DAP: variants seen among roughly 807,000 people sequenced by gnomAD.
DAP encodes the protein death-associated protein 1.
In DAP, 8 loss-of-function variants were observed where a neutral mutation model predicts 13.8. The ratio of observed to expected loss-of-function variants is 0.58; its 90% CI spans 0.34 to 1.05. The LOEUF is 1.05. Ranked by LOEUF, DAP falls within the 50% of genes least tolerant of loss-of-function variation. The probability of loss-of-function intolerance (pLI) is 0.03; values close to 1 mark genes in which losing one functional copy is unlikely to be tolerated. For missense variants in DAP, 106 were observed against 133.2 expected (o/e 0.80, Z 1.01); for synonymous variants, 47 against 47.5 (o/e 0.99, Z 0.04).
chr5:10,743,522 CTTTTCTGGTT>C (rs1739815111), intron 2 of DAP, among the ~76,000 whole-genome samples: 1 of 152,158 alleles, frequency 6.6e-6, no homozygotes, highest in Admixed American at 6.5e-5. Flanking sequence ...CAAACCCGTT[CTTTTCTGGTT>C]TACCCCTCCT....
At chr5:10,693,389 C>T (rs140364135) in intron 2 of DAP, among the ~76,000 whole-genome samples, 135 of 152,292 alleles carry the variant, frequency 8.9e-4, no homozygotes, top group Non-Finnish European at 1.5e-3. Context: ...GGACACATGG[C>T]CTTTAATAAG....
chr5:10,708,101 A>G (rs1047206791), intron 2 of DAP, among the ~76,000 whole-genome samples: 3 of 152,234 alleles, frequency 2.0e-5, no homozygotes, highest in Non-Finnish European at 4.4e-5. Flanking sequence ...CTGTCAGAGC[A>G]GAGAAATAAC....
intron 2 of DAP, among the ~76,000 whole-genome samples, chr5:10,708,383 C>T (rs1405072560): frequency 6.6e-6 from 1 of 151,784 alleles, no homozygotes; most frequent in Non-Finnish European, 1.5e-5. Flanking sequence ...CACAGACATA[C>T]ATACACACAC....
chr5:10,747,305 G>A (rs921435920), intron 2 of DAP, among the ~76,000 whole-genome samples: 3 of 152,190 alleles, frequency 2.0e-5, no homozygotes, highest in African/African-American at 7.2e-5. Flanking sequence ...TTCCTTTCAA[G>A]GTCCCTGAAC....
At chr5:10,683,347 G>A in intron 3 of DAP, 182 bp downstream of exon 3, 1 of 721,810 alleles carries the variant, frequency 1.4e-6, no homozygotes, top group East Asian at 2.6e-5. Context: ...TGCGAGTCTG[G>A]CCTGCGGTCT....
At chr5:10,712,424 C>T (rs968730962) in intron 2 of DAP, among the ~76,000 whole-genome samples, 9 of 152,122 alleles carry the variant, frequency 5.9e-5, no homozygotes, top group Non-Finnish European at 1.2e-4. Context: ...TTGAAAAAGC[C>T]GCTTCAGTGG....
chr5:10,693,124 GCACACA>G (rs10596228), intron 2 of DAP, among the ~76,000 whole-genome samples: 46,356 of 148,870 alleles, frequency 0.31, 8,123 homozygotes, highest in African/African-American at 0.49. Context: ...ACATGCACAC[GCACACA>G]CACACACACA....
At chr5:10,722,980 T>C (rs1205318389) in intron 2 of DAP, among the ~76,000 whole-genome samples, 1 of 152,236 alleles carries the variant, frequency 6.6e-6, no homozygotes, top group Non-Finnish European at 1.5e-5. Flanking sequence ...CACGTCTTTA[T>C]GCTTCTGGCC....
Position 10,697,441 on chromosome 5 carries a change from C to T in DAP, c.153-13870G>A, listed in dbSNP as rs5745251. ...CCATCTTTGATTCTGAACACGTCCA[C>T]GCTTTAGAGTCACTCTTTGGAATTT... is the stretch of plus-strand genomic sequence containing the variant. On this transcript the variant is annotated intron_variant, in intron 2 of 3. Coordinates refer to ENST00000230895, the MANE Select transcript of DAP (RefSeq NM_004394.3). 7.5e-3 allele frequency among the ~76,000 whole-genome samples: 1,135 copies of T among 152,298 alleles called. 14 individuals carry two copies. The highest frequency in any genetic ancestry group is 0.026 in the African/African-American group (1,071 of 41,558).
chr5:10,691,681 C>G (rs933632911), intron 2 of DAP, among the ~76,000 whole-genome samples: 7 of 152,196 alleles, frequency 4.6e-5, no homozygotes, highest in African/African-American at 1.7e-4. Context: ...ACTATCAACC[C>G]TGCCCGCCCC....
At chr5:10,694,250 T>C (rs1738379182) in intron 2 of DAP, among the ~76,000 whole-genome samples, 2 of 152,142 alleles carry the variant, frequency 1.3e-5, no homozygotes, top group African/African-American at 2.4e-5. Flanking sequence ...GAGTGTTGGA[T>C]GATCCGGGTT....
Position 10,681,025 on chromosome 5 carries a change from G to C in DAP, c.*31C>G, listed in dbSNP as rs1737975034. 1 of 1,568,490 alleles carries C rather than the reference G, an allele frequency of 6.4e-7. No individual in the cohort carries two copies. Among genetic ancestry groups the C allele is most frequent in the African/African-American group, 1.3e-5 (1 of 74,174 alleles). The stretch of plus-strand genomic sequence containing the variant: ...GGAAATACCAAGTGCAGCAGAGCCG[G>C]GGCCATGGGGCAGGCTGGTGGACTC... On this transcript the variant is annotated 3_prime_UTR_variant, in exon 4 of 4. Transcript: ENST00000230895.
intron 2 of DAP, 24 bp downstream of exon 2, chr5:10,748,151 C>T (rs767207446): frequency 5.3e-6 from 8 of 1,522,760 alleles, no homozygotes; most frequent in Non-Finnish European, 7.3e-6. Context: ...AAAACATGCT[C>T]AAGAGTCGCT....
At chr5:10,754,454 G>C (rs1740128506) in intron 1 of DAP, among the ~76,000 whole-genome samples, 1 of 152,184 alleles carries the variant, frequency 6.6e-6, no homozygotes, top group African/African-American at 2.4e-5. Context: ...GTGAAGGTGA[G>C]AAGGCTCTTA....
At chr5:10,699,355 C>T (rs1738511035) in intron 2 of DAP, among the ~76,000 whole-genome samples, 1 of 152,242 alleles carries the variant, frequency 6.6e-6, no homozygotes, top group African/African-American at 2.4e-5. Flanking sequence ...TTATCACTGT[C>T]ATCTTCTTCC....
At chr5:10,688,654 TA>T (rs748290558) in intron 2 of DAP, among the ~76,000 whole-genome samples, 2 of 151,742 alleles carry the variant, frequency 1.3e-5, no homozygotes, top group African/African-American at 2.4e-5. Context: ...TGTGTATTTA[TA>T]AAGATTGACA....
At chr5:10,682,101 G>C in intron 3 of DAP, among the ~76,000 whole-genome samples, 1 of 149,608 alleles carries the variant, frequency 6.7e-6, no homozygotes, top group East Asian at 2.0e-4. Context: ...GAAGCGTGGG[G>C]TTTGTATGTG....
At chr5:10,714,888 G>T (rs1384573018) in intron 2 of DAP, among the ~76,000 whole-genome samples, 1 of 152,072 alleles carries the variant, frequency 6.6e-6, no homozygotes, top group South Asian at 2.1e-4. Context: ...CTGCCTGATT[G>T]GAAGCTCCCT....
intron 2 of DAP, among the ~76,000 whole-genome samples, chr5:10,698,748 C>T (rs1201520910): frequency 6.6e-6 from 1 of 152,170 alleles, no homozygotes; most frequent in African/African-American, 2.4e-5. Context: ...ATCCATCTAT[C>T]TGTCAACAAA....
Sources: gnomAD v4.1 joint callset for allele counts (sites outside exome capture counted in the v4.1 genomes callset) on GRCh38, gnomAD v4.1.1 for gene constraint, MANE v1.5 for transcripts, NCBI Gene and HGNC (gene_info 2026-07-23, HGNC 2026-07-21) for gene names.